APBA1: variants seen among roughly 807,000 people sequenced by gnomAD.
The protein encoded by APBA1 is amyloid beta precursor protein binding family A member 1.
APBA1 carries 55 observed loss-of-function variants against 86.6 expected under a neutral mutation model. The ratio of observed to expected loss-of-function variants is 0.64; its 90% CI spans 0.51 to 0.80. The LOEUF is 0.80. APBA1 is among the 30% of genes least tolerant of loss of function. The pLI, the probability that APBA1 is intolerant of heterozygous loss-of-function variation, is 0.00. For missense variants in APBA1, 1,090 were observed against 1,183.0 expected (o/e 0.92, Z 1.15); for synonymous variants, 511 against 493.9 (o/e 1.03, Z -0.46).
chr9:69,530,257 C>G (rs910017918), intron 1 of APBA1, among the ~76,000 whole-genome samples: 6 of 149,812 alleles, frequency 4.0e-5, no homozygotes, highest in Admixed American at 2.7e-4. Context: ...TGGAATCAAC[C>G]CAAGTGTCTA....
chr9:69,500,008 G>A (rs1333950284), intron 2 of APBA1, among the ~76,000 whole-genome samples: 1 of 152,078 alleles, frequency 6.6e-6, no homozygotes, highest in African/African-American at 2.4e-5. Flanking sequence ...AAAGGTAAAT[G>A]TTATCTGGAG....
At chr9:69,512,323 A>G (rs181914423) in intron 2 of APBA1, among the ~76,000 whole-genome samples, 3 of 152,182 alleles carry the variant, frequency 2.0e-5, no homozygotes, top group African/African-American at 7.2e-5. Flanking sequence ...TTTTCTCTCT[A>G]TATACAACTC....
At chr9:69,434,754 C>G (rs1834671274) in intron 11 of APBA1, among the ~76,000 whole-genome samples, 1 of 150,984 alleles carries the variant, frequency 6.6e-6, no homozygotes, top group African/African-American at 2.4e-5. Flanking sequence ...TTAAAGCATT[C>G]CAACAGATGT....
At chr9:69,504,046 C>T (rs3897966) in intron 2 of APBA1, among the ~76,000 whole-genome samples, 22,987 of 152,096 alleles carry the variant, frequency 0.15, 2,370 homozygotes, top group East Asian at 0.28. Flanking sequence ...TCAAACTGAA[C>T]TGAAGATAGA....
In APBA1 at chr9:69,435,427, C is replaced by T. The variant is rs556592737; in HGVS notation, c.2302-2751G>A. Reference sequence around the variant, plus strand: ...GTCCCACCAACAGTGTAAAAGTGTTCGTATTTCTCCACATCCTCTCCAGCA... The same window carrying T: ...GTCCCACCAACAGTGTAAAAGTGTTTGTATTTCTCCACATCCTCTCCAGCA... On this transcript the variant is annotated intron_variant, in intron 11 of 12. Transcript: ENST00000265381. 5.3e-5 allele frequency among the ~76,000 whole-genome samples: 8 copies of T among 152,078 alleles called. 1 individual carries two copies. The South Asian group carries it at 8.3e-4, about 16-fold the overall frequency.
intron 1 of APBA1, among the ~76,000 whole-genome samples, chr9:69,624,626 C>G (rs60240774): frequency 3.3e-5 from 5 of 152,224 alleles, no homozygotes; most frequent in African/African-American, 9.6e-5. Context: ...TGAAGACATT[C>G]AAATATGTCC....
chr9:69,577,846 G>T (rs913471061), intron 1 of APBA1, among the ~76,000 whole-genome samples: 1 of 151,928 alleles, frequency 6.6e-6, no homozygotes, highest in Non-Finnish European at 1.5e-5. Context: ...AGAGGTGAAG[G>T]GACTTATCTA....
rs890186037 is a variant in APBA1, at chr9:69,644,417, T to C, written c.-70+27736A>G. ...GCCAGTATTTTGTACTCTTTCAATGTTGACACTATTTTTCTCATCCCCCAA... is the reference window on the plus strand; with the variant it reads ...GCCAGTATTTTGTACTCTTTCAATGCTGACACTATTTTTCTCATCCCCCAA... On this transcript the variant is annotated intron_variant, in intron 1 of 12. Transcript: ENST00000265381. Among the ~76,000 whole-genome samples, 4 of 152,218 alleles carry C rather than the reference T, an allele frequency of 2.6e-5. No individual in the cohort carries two copies. In the East Asian group the frequency reaches 7.7e-4, roughly 29 times the overall value.
chr9:69,523,741 G>A (rs980513711), intron 1 of APBA1, among the ~76,000 whole-genome samples: 6 of 151,332 alleles, frequency 4.0e-5, no homozygotes, highest in East Asian at 1.9e-4. Flanking sequence ...AGACATCTAC[G>A]GAATACTTCA....
At chr9:69,492,080 T>C (rs1246423473) in intron 2 of APBA1, among the ~76,000 whole-genome samples, 1 of 152,132 alleles carries the variant, frequency 6.6e-6, no homozygotes, top group Non-Finnish European at 1.5e-5. Flanking sequence ...TTGAAATGTT[T>C]TTAATTTTAT....
chr9:69,641,476 T>A lies in APBA1; in HGVS notation c.-70+30677A>T, dbSNP rs377629016. Among the ~76,000 whole-genome samples, 100 of 152,304 alleles carry A rather than the reference T, an allele frequency of 6.6e-4. 1 individual carries two copies. Among genetic ancestry groups the A allele is most frequent in the African/African-American group, 2.3e-3 (95 of 41,564 alleles). On this transcript the variant is annotated intron_variant, in intron 1 of 12. Coordinates refer to ENST00000265381, the MANE Select transcript of APBA1 (RefSeq NM_001163.4). ...AGAAAATGCAAAGTTGGAGGACTCA[T>A]ACTACCTGATTACAAAACTTAGTAT...
intron 1 of APBA1, among the ~76,000 whole-genome samples, chr9:69,530,306 G>GTATATATATATA (rs370549415): frequency 1.2e-3 from 140 of 115,968 alleles, no homozygotes; most frequent in Admixed American, 1.7e-3. Flanking sequence ...TTGTGTGTGT[G>GTATATATATATA]TATATATATA....
intron 2 of APBA1, among the ~76,000 whole-genome samples, chr9:69,489,829 G>A (rs1242587148): frequency 1.2e-4 from 18 of 152,180 alleles, no homozygotes; most frequent in Admixed American, 1.2e-3. Flanking sequence ...GAAACAACAG[G>A]TGCTAGAGAG....
At chr9:69,638,485 T>C (rs567601147) in intron 1 of APBA1, among the ~76,000 whole-genome samples, 153 of 152,208 alleles carry the variant, frequency 1.0e-3, no homozygotes, top group African/African-American at 3.3e-3. Flanking sequence ...AGGTGATCTG[T>C]CCACCTCGAC....
chr9:69,578,986 G>A (rs1197903956), intron 1 of APBA1, among the ~76,000 whole-genome samples: 1 of 152,110 alleles, frequency 6.6e-6, no homozygotes, highest in Non-Finnish European at 1.5e-5. Flanking sequence ...TTCTTTTACT[G>A]AGTAAAAGAG....
At chr9:69,575,493 T>G (rs1445273990) in intron 1 of APBA1, among the ~76,000 whole-genome samples, 1 of 152,182 alleles carries the variant, frequency 6.6e-6, no homozygotes, top group Non-Finnish European at 1.5e-5. Flanking sequence ...AGCATGGTAC[T>G]GGTACCAAAA....
At chr9:69,613,920 C>T (rs920453696) in intron 1 of APBA1, among the ~76,000 whole-genome samples, 6 of 152,058 alleles carry the variant, frequency 3.9e-5, no homozygotes, top group African/African-American at 1.4e-4. Flanking sequence ...ACTGTCTTCC[C>T]GTAAGGAGAA....
chr9:69,637,755 T>G (rs980060442), intron 1 of APBA1, among the ~76,000 whole-genome samples: 2 of 152,208 alleles, frequency 1.3e-5, no homozygotes, highest in African/African-American at 4.8e-5. Flanking sequence ...TATAAAATAA[T>G]ATCTTCAAAA....
At chr9:69,439,814 C>T (rs111996837) in intron 11 of APBA1, among the ~76,000 whole-genome samples, 43 of 152,310 alleles carry the variant, frequency 2.8e-4, no homozygotes, top group African/African-American at 7.2e-4. Flanking sequence ...AGCTTTGTTC[C>T]GTTGCTGGTA....
Sources: allele counts gnomAD v4.1 joint callset (sites outside exome capture counted in the v4.1 genomes callset), GRCh38; gene constraint gnomAD v4.1.1; transcripts MANE v1.5; gene names NCBI Gene and HGNC (gene_info 2026-07-23, HGNC 2026-07-21).